Variants in PPP1R1C observed in about 807,000 individuals in gnomAD.
PPP1R1C encodes protein phosphatase 1 regulatory subunit 1C.
Under a neutral mutation model 17.4 loss-of-function variants are expected in PPP1R1C, and 15 were observed. The observed-to-expected ratio is 0.86, with a 90% CI of 0.58 to 1.33. PPP1R1C has a LOEUF of 1.33. Among genes scored for constraint, PPP1R1C ranks in the 40% most tolerant of loss-of-function variants. The probability of loss-of-function intolerance (pLI) is 0.00; values close to 1 mark genes in which losing one functional copy is unlikely to be tolerated. For missense variants in PPP1R1C, 143 were observed against 130.0 expected, an observed-to-expected ratio of 1.10 and a Z score of -0.48; for synonymous variants, 35 against 43.1, an observed-to-expected ratio of 0.81 and a Z score of 0.73.
At chr2:182,123,119 CTG>C (rs745391834) in intron 5 of PPP1R1C, among the ~76,000 whole-genome samples, 11 of 152,070 alleles carry the variant, frequency 7.2e-5, no homozygotes, top group Non-Finnish European at 1.5e-4. Context: ...TTTTCTGTTC[CTG>C]TGTTAGTTTG....
At chr2:181,964,589 G>A (rs1684873301) in intron 1 of PPP1R1C, among the ~76,000 whole-genome samples, 1 of 151,984 alleles carries the variant, frequency 6.6e-6, no homozygotes, top group Non-Finnish European at 1.5e-5. Flanking sequence ...CCACCAATGG[G>A]GTACAGAGTT....
chr2:182,004,028 G>T (rs1355946511), intron 2 of PPP1R1C, among the ~76,000 whole-genome samples: 1 of 152,128 alleles, frequency 6.6e-6, no homozygotes, highest in Non-Finnish European at 1.5e-5. Flanking sequence ...TCACGGCTCT[G>T]ACTGGAGAGC....
intron 2 of PPP1R1C, among the ~76,000 whole-genome samples, chr2:182,021,324 T>C (rs13017069): frequency 0.011 from 98 of 9,134 alleles, no homozygotes; most frequent in Non-Finnish European, 8.6e-3. Context: ...TCTCTCTCTT[T>C]TTTTTTTTTT....
Position 181,986,011 on chromosome 2 carries a change from T to A in PPP1R1C, c.-100T>A. ...CAGCTATTTATTACGAAGCACTCTG[T>A]GTGGCTTAGTGGAGTGTGTCTGAGG... On this transcript the variant is annotated 5_prime_UTR_variant, in exon 1 of 5. It introduces an in-frame stop codon into an upstream open reading frame of the 5' UTR. Coordinates refer to ENST00000682840, the MANE Select transcript of PPP1R1C (RefSeq NM_001080545.3). 1.1e-6 allele frequency: 1 copy of A among 885,512 alleles called. No homozygotes were observed. Among genetic ancestry groups the A allele is most frequent in the East Asian group, 2.4e-5 (1 of 41,582 alleles). The allele number at this position is 885,512 out of a possible 1,614,324, so 54.9% of individuals were successfully genotyped here. A position where few individuals can be genotyped will look rare whatever the true frequency, so the allele number is the denominator to read the frequency against.
At chr2:182,116,951 G>T (rs1689602288) in intron 4 of PPP1R1C, among the ~76,000 whole-genome samples, 2 of 152,062 alleles carry the variant, frequency 1.3e-5, no homozygotes, top group South Asian at 4.1e-4. Flanking sequence ...GTTTTTAATA[G>T]GCTGTGATGC....
At chr2:182,099,456 G>A (rs891291967) in intron 4 of PPP1R1C, among the ~76,000 whole-genome samples, 4 of 152,196 alleles carry the variant, frequency 2.6e-5, no homozygotes, top group African/African-American at 9.7e-5. Flanking sequence ...TGGGAACGCT[G>A]AGGTAAGTCA....
chr2:182,062,620 G>C (rs535430144), intron 3 of PPP1R1C, among the ~76,000 whole-genome samples: 64 of 152,012 alleles, frequency 4.2e-4, no homozygotes, highest in Non-Finnish European at 7.6e-4. Context: ...TATGGATTTG[G>C]TAACTGTTTT....
intron 2 of PPP1R1C, among the ~76,000 whole-genome samples, chr2:181,977,390 G>A (rs964340406): frequency 3.3e-5 from 5 of 151,816 alleles, no homozygotes; most frequent in Non-Finnish European, 7.4e-5. Context: ...TTGTGTGTGT[G>A]TGTTTGTTTC....
At chr2:181,995,849 A>G (rs557260480) in intron 2 of PPP1R1C, among the ~76,000 whole-genome samples, 1 of 151,858 alleles carries the variant, frequency 6.6e-6, no homozygotes, top group South Asian at 2.1e-4. Context: ...TCCACTAAGT[A>G]GTGATCTGAC....
intron 2 of PPP1R1C, among the ~76,000 whole-genome samples, chr2:181,994,480 G>A (rs189618341): frequency 6.6e-6 from 1 of 152,080 alleles, no homozygotes; most frequent in African/African-American, 2.4e-5. Flanking sequence ...TGACTTTTAA[G>A]ACTTAGTCTA....
intron 2 of PPP1R1C, among the ~76,000 whole-genome samples, chr2:182,013,690 C>T (rs1686158084): frequency 1.3e-5 from 2 of 152,208 alleles, no homozygotes; most frequent in South Asian, 4.2e-4. Context: ...AGGCTATTTT[C>T]TAGATCTTGC....
chr2:182,020,498 C>T (rs1006937343), intron 2 of PPP1R1C, among the ~76,000 whole-genome samples: 10 of 152,238 alleles, frequency 6.6e-5, no homozygotes, highest in South Asian at 2.1e-4. Flanking sequence ...TAGAATAAGT[C>T]GTTCCCTAGA....
At chr2:182,113,850 A>T (rs997120584) in intron 4 of PPP1R1C, among the ~76,000 whole-genome samples, 1 of 152,116 alleles carries the variant, frequency 6.6e-6, no homozygotes, top group African/African-American at 2.4e-5. Context: ...TTGGCTTCAG[A>T]TTAATTGATT....
intron 5 of PPP1R1C, among the ~76,000 whole-genome samples, chr2:182,127,688 G>A (rs1031461652): frequency 6.6e-6 from 1 of 152,098 alleles, no homozygotes; most frequent in South Asian, 2.1e-4. Flanking sequence ...CTGTGTCACC[G>A]GACTATCCCT....
intron 1 of PPP1R1C, among the ~76,000 whole-genome samples, chr2:181,963,644 C>T (rs959240937): frequency 3.1e-4 from 47 of 151,674 alleles, no homozygotes; most frequent in Non-Finnish European, 4.4e-5. Context: ...AACTCTGTCT[C>T]AAAAAACAAA....
intron 5 of PPP1R1C, among the ~76,000 whole-genome samples, chr2:182,127,252 T>C (rs1689897420): frequency 6.6e-6 from 1 of 152,048 alleles, no homozygotes; most frequent in South Asian, 2.1e-4. Flanking sequence ...CTAGAGGGGC[T>C]AGCATTTTCT....
chr2:182,047,479 T>C (rs928663727), intron 2 of PPP1R1C, among the ~76,000 whole-genome samples: 1 of 152,178 alleles, frequency 6.6e-6, no homozygotes, highest in African/African-American at 2.4e-5. Flanking sequence ...GATACACTTT[T>C]TTAAAAAACT....
chr2:181,989,883 C>T (rs1208087726), intron 2 of PPP1R1C, among the ~76,000 whole-genome samples: 1 of 152,094 alleles, frequency 6.6e-6, no homozygotes, highest in Non-Finnish European at 1.5e-5. Flanking sequence ...GTGTATAGGA[C>T]TTGGATAAGT....
At chr2:182,012,385 T>C (rs932316964) in intron 2 of PPP1R1C, among the ~76,000 whole-genome samples, 6 of 152,082 alleles carry the variant, frequency 3.9e-5, no homozygotes, top group African/African-American at 9.6e-5. Context: ...TTATAGTTTT[T>C]CTCTCAAAGT....
Sources: allele counts gnomAD v4.1 joint callset (sites outside exome capture counted in the v4.1 genomes callset), GRCh38; gene constraint gnomAD v4.1.1; transcripts MANE v1.5; gene names NCBI Gene and HGNC (gene_info 2026-07-23, HGNC 2026-07-21).